Variants in DCLK1 observed in about 807,000 individuals in gnomAD.
DCLK1 encodes doublecortin like kinase 1.
DCLK1 carries 16 observed loss-of-function variants against 86.2 expected under a neutral mutation model. The observed-to-expected ratio is 0.19, with a 90% CI of 0.13 to 0.28. The LOEUF (loss-of-function observed/expected upper bound fraction) is 0.28. Ranked by LOEUF, DCLK1 falls within the 10% of genes least tolerant of loss-of-function variation. The pLI, the probability that DCLK1 is intolerant of heterozygous loss-of-function variation, is 1.00. For missense variants in DCLK1, 590 were observed against 940.2 expected, an observed-to-expected ratio of 0.63 and a Z score of 4.87; for synonymous variants, 369 against 370.5, an observed-to-expected ratio of 1.00 and a Z score of 0.05.
At chr13:35,923,850 T>A (rs770962118) in intron 4 of DCLK1, among the ~76,000 whole-genome samples, 1 of 152,086 alleles carries the variant, frequency 6.6e-6, no homozygotes, top group African/African-American at 2.4e-5. Context: ...CTGTCAAGAA[T>A]AGGACAATAA....
At position 35,958,284 on chromosome 13, in the gene DCLK1, GCCA is replaced by G. The variant is rs200876049; in HGVS notation, c.724-10830_724-10828del. ...TACTATAACCATTACCACCATCACT[GCCA>G]CTATAACCACTATAATAAACACCAC... On this transcript the variant is annotated intron_variant, in intron 3 of 16. Transcript: ENST00000360631. 0.018 allele frequency among the ~76,000 whole-genome samples: 134 copies of G among 7,364 alleles called. 21 individuals carry two copies. In the Middle Eastern group the frequency reaches 0.38, roughly 21 times the overall value. The allele number at this position is 7,364 out of a possible 152,430, so 4.8% of individuals were successfully genotyped here. A position where few individuals can be genotyped will look rare whatever the true frequency, so the allele number is the denominator to read the frequency against.
At chr13:35,923,862 T>C (rs1875947842) in intron 4 of DCLK1, among the ~76,000 whole-genome samples, 1 of 152,058 alleles carries the variant, frequency 6.6e-6, no homozygotes, top group South Asian at 2.1e-4. Context: ...GGACAATAAA[T>C]TCAGGGAATT....
chr13:35,935,399 G>A (rs566621500), intron 4 of DCLK1, among the ~76,000 whole-genome samples: 41 of 152,272 alleles, frequency 2.7e-4, no homozygotes, highest in African/African-American at 9.4e-4. Context: ...GAGTCTAAAT[G>A]GGAGATGATG....
chr13:35,870,631 G>A (rs1349372627), intron 5 of DCLK1, among the ~76,000 whole-genome samples: 1 of 152,134 alleles, frequency 6.6e-6, no homozygotes, highest in Non-Finnish European at 1.5e-5. Flanking sequence ...CTTTCTAACT[G>A]ACTTCATGTC....
At chr13:35,974,202 T>A (rs1490057275) in intron 3 of DCLK1, among the ~76,000 whole-genome samples, 2 of 152,204 alleles carry the variant, frequency 1.3e-5, no homozygotes, top group Non-Finnish European at 2.9e-5. Context: ...CCCCTCAGAT[T>A]CATGTGTTGA....
At chr13:35,828,425 GA>G in intron 8 of DCLK1, 118 bp from the exon 9 acceptor site, 1 of 816,106 alleles carries the variant, frequency 1.2e-6, no homozygotes, top group Non-Finnish European at 1.9e-6. Flanking sequence ...AATATTTTGT[GA>G]AAGGATTTCC....
intron 3 of DCLK1, among the ~76,000 whole-genome samples, chr13:35,971,675 A>G (rs1879066383): frequency 6.6e-6 from 1 of 151,902 alleles, no homozygotes; most frequent in African/African-American, 2.4e-5. Flanking sequence ...AAGCAGAAGA[A>G]TCTCTTGAAC....
upstream of DCLK1, chr13:36,131,448 C>G (rs1464972988): frequency 5.9e-6 from 1 of 168,390 alleles, no homozygotes; most frequent in Non-Finnish European, 1.3e-5. Context: ...CGTCTCCCTC[C>G]TCCTCCTCCT....
intron 6 of DCLK1, chr13:35,846,080 T>C (rs1239702211): frequency 1.0e-6 from 1 of 985,314 alleles, no homozygotes; most frequent in Non-Finnish European, 1.2e-6. Flanking sequence ...TGTCAACCCT[T>C]AGCTCTATAA....
chr13:35,850,318 G>C (rs1356707776), intron 6 of DCLK1: 21 of 986,106 alleles, frequency 2.1e-5, no homozygotes, highest in Non-Finnish European at 2.4e-5. Context: ...TTTACAGAAA[G>C]TACAGAAAAA....
intron 3 of DCLK1, among the ~76,000 whole-genome samples, chr13:35,955,898 G>GT (rs1877952150): frequency 6.6e-6 from 1 of 152,142 alleles, no homozygotes; most frequent in Non-Finnish European, 1.5e-5. Context: ...GTGATTTGGG[G>GT]CTATTATTTA....
At chr13:35,968,349 C>T (rs547737777) in intron 3 of DCLK1, among the ~76,000 whole-genome samples, 4 of 152,240 alleles carry the variant, frequency 2.6e-5, no homozygotes, top group African/African-American at 9.6e-5. Context: ...TACTTAATGC[C>T]GCAAAACTCA....
At chr13:35,849,126 A>T (rs1304335347) in intron 6 of DCLK1, 1 of 985,266 alleles carries the variant, frequency 1.0e-6, no homozygotes, top group East Asian at 1.1e-4. Context: ...CTAAGTTTTC[A>T]AATGCTGTTA....
At chr13:36,024,296 ACTCT>A (rs201890324) in intron 3 of DCLK1, among the ~76,000 whole-genome samples, 1 of 151,806 alleles carries the variant, frequency 6.6e-6, no homozygotes, top group East Asian at 1.9e-4. Context: ...AAGAAATAAA[ACTCT>A]CTATTTTCAC....
intron 4 of DCLK1, among the ~76,000 whole-genome samples, chr13:35,923,414 G>A (rs1423438832): frequency 2.6e-5 from 4 of 151,854 alleles, no homozygotes; most frequent in Non-Finnish European, 5.9e-5. Flanking sequence ...GCTGTTGAAG[G>A]GCATCTGAGT....
intron 5 of DCLK1, among the ~76,000 whole-genome samples, chr13:35,864,293 C>A (rs1477107020): frequency 1.3e-5 from 1 of 75,056 alleles, no homozygotes; most frequent in Non-Finnish European, 2.6e-5. Context: ...TGGCCGGGCG[C>A]GGTGGCTCAC....
At chr13:35,920,726 C>T (rs1422130776) in intron 4 of DCLK1, among the ~76,000 whole-genome samples, 6 of 152,044 alleles carry the variant, frequency 3.9e-5, no homozygotes, top group Non-Finnish European at 8.8e-5. Flanking sequence ...CAGAAGGAAC[C>T]GGGGTGGGAG....
intron 3 of DCLK1, among the ~76,000 whole-genome samples, chr13:36,105,375 G>A (rs7327771): frequency 0.095 from 14,429 of 152,004 alleles, 936 homozygotes; most frequent in African/African-American, 0.19. Context: ...CCAACAATTG[G>A]GTACCAATCA....
At position 35,876,068 on chromosome 13, in the gene DCLK1, G is replaced by A. The variant is rs560778938; in HGVS notation, c.824-4728C>T. Among the ~76,000 whole-genome samples the A allele has an allele frequency of 4.6e-5, 7 of 152,268 alleles. No homozygotes were observed. The South Asian group carries it at 1.2e-3, about 27-fold the overall frequency. ...ACAAATGGGTGATGGTGCATCAGGG[G>A]AAGAACTGCAAGCAACTGTTCTCAT... is the stretch of plus-strand genomic sequence containing the variant. On this transcript the variant is annotated intron_variant, in intron 4 of 16. Coordinates refer to ENST00000360631, the MANE Select transcript of DCLK1 (RefSeq NM_001330071.2).
Sources: gnomAD v4.1 joint callset for allele counts (sites outside exome capture counted in the v4.1 genomes callset) on GRCh38, gnomAD v4.1.1 for gene constraint, MANE v1.5 for transcripts, NCBI Gene and HGNC (gene_info 2026-07-23, HGNC 2026-07-21) for gene names.